The following SGCD variants were observed in gnomAD, a reference collection of about 807,000 sequenced individuals.
SGCD encodes the protein delta-sarcoglycan.
A neutral mutation model predicts 36.6 loss-of-function variants in SGCD; 18 were observed. The ratio of observed to expected loss-of-function variants is 0.49; its 90% CI spans 0.34 to 0.73. SGCD has a LOEUF of 0.73. SGCD is among the 30% of genes least tolerant of loss of function. The pLI, the probability that SGCD is intolerant of heterozygous loss-of-function variation, is 0.01. For synonymous variants in SGCD, 133 were observed against 130.6 expected, an observed-to-expected ratio of 1.02 and a Z score of -0.12; for missense variants, 387 against 346.7, an observed-to-expected ratio of 1.12 and a Z score of -0.92.
chr5:155,819,112 G>A, the SGCD span, among the ~76,000 whole-genome samples: 2 of 152,120 alleles, frequency 1.3e-5, no homozygotes, highest in African/African-American at 4.8e-5. Context: ...CTGGGACTCA[G>A]CTTCCCCATG....
chr5:156,681,273 G>A (rs1364846932), intron 7 of SGCD, among the ~76,000 whole-genome samples: 1 of 152,156 alleles, frequency 6.6e-6, no homozygotes, highest in African/African-American at 2.4e-5. Flanking sequence ...GGATGGGAAG[G>A]TGATCTCTCC....
intron 3 of SGCD, among the ~76,000 whole-genome samples, chr5:156,306,972 A>G (rs1196817267): frequency 2.1e-5 from 3 of 145,462 alleles, no homozygotes; most frequent in African/African-American, 7.6e-5. Flanking sequence ...ATTAAAATCC[A>G]TTTTTTCTGA....
At chr5:156,238,181 G>A (rs140278859) in intron 3 of SGCD, among the ~76,000 whole-genome samples, 21 of 152,218 alleles carry the variant, frequency 1.4e-4, no homozygotes, top group African/African-American at 5.1e-4. Context: ...GGGCTCAAGC[G>A]ATCCTTCCGC....
intron 3 of SGCD, among the ~76,000 whole-genome samples, chr5:156,367,812 G>T (rs917981588): frequency 9.2e-5 from 14 of 152,166 alleles, no homozygotes; most frequent in African/African-American, 3.4e-4. Flanking sequence ...TAAGCTAGGT[G>T]GTTGTTGGAG....
At chr5:156,629,406 C>T (rs1454239933) in intron 6 of SGCD, among the ~76,000 whole-genome samples, 1 of 152,090 alleles carries the variant, frequency 6.6e-6, no homozygotes, top group Non-Finnish European at 1.5e-5. Context: ...TATCTTGCCT[C>T]TTGTAGAGGG....
chr5:156,542,577 T>C (rs1287778345), intron 4 of SGCD, among the ~76,000 whole-genome samples: 1 of 152,222 alleles, frequency 6.6e-6, no homozygotes, highest in Non-Finnish European at 1.5e-5. Flanking sequence ...TACATATTCA[T>C]GTAATGCTCC....
intron 3 of SGCD, among the ~76,000 whole-genome samples, chr5:156,424,390 A>G (rs1261455231): frequency 6.6e-6 from 1 of 152,018 alleles, no homozygotes; most frequent in East Asian, 1.9e-4. Flanking sequence ...CCAATTCTCC[A>G]CAAATAACAA....
chr5:156,706,225 TATTATC>T (rs1754735367), intron 7 of SGCD, among the ~76,000 whole-genome samples: 1 of 152,126 alleles, frequency 6.6e-6, no homozygotes, highest in African/African-American at 2.4e-5. Context: ...AGCATAAACT[TATTATC>T]AGTTAATTCA....
chr5:156,193,757 T>C (rs755363336), intron 3 of SGCD, among the ~76,000 whole-genome samples: 43 of 152,212 alleles, frequency 2.8e-4, no homozygotes, highest in Non-Finnish European at 5.7e-4. Flanking sequence ...AATTTCTTCC[T>C]CTGTACCTAT....
At chr5:155,940,466 A>G (rs1757299059) in intron 1 of SGCD, among the ~76,000 whole-genome samples, 1 of 152,204 alleles carries the variant, frequency 6.6e-6, no homozygotes, top group East Asian at 1.9e-4. Flanking sequence ...CTCTTTGGTA[A>G]AGAAGATATA....
At chr5:156,148,930 A>G (rs1762771426) in intron 3 of SGCD, among the ~76,000 whole-genome samples, 1 of 152,188 alleles carries the variant, frequency 6.6e-6, no homozygotes, top group Non-Finnish European at 1.5e-5. Context: ...TTATCGTTCC[A>G]TCAGACTTCA....
At chr5:156,351,383 C>T (rs1380245419) in intron 3 of SGCD, among the ~76,000 whole-genome samples, 1 of 152,078 alleles carries the variant, frequency 6.6e-6, no homozygotes, top group African/African-American at 2.4e-5. Flanking sequence ...TAGTTCAGGG[C>T]TCAAACTCTG....
At chr5:155,799,649 G>A in the SGCD span, among the ~76,000 whole-genome samples, 23 of 151,636 alleles carry the variant, frequency 1.5e-4, no homozygotes, top group East Asian at 4.1e-3. Flanking sequence ...GCTCGCCTCG[G>A]CCTCCAAAGT....
At chr5:155,826,085 T>G in the SGCD span, among the ~76,000 whole-genome samples, 1 of 152,214 alleles carries the variant, frequency 6.6e-6, no homozygotes, top group Admixed American at 6.5e-5. Context: ...GAAGTTCCAC[T>G]GAAAAGGTGA....
At chr5:155,837,696 T>C in the SGCD span, among the ~76,000 whole-genome samples, 1 of 152,164 alleles carries the variant, frequency 6.6e-6, no homozygotes, top group Non-Finnish European at 1.5e-5. Context: ...AGAAAGCCTA[T>C]TGTCATAAAA....
chr5:156,492,244 A>G (rs1755977594), intron 3 of SGCD, among the ~76,000 whole-genome samples: 1 of 152,158 alleles, frequency 6.6e-6, no homozygotes, highest in Non-Finnish European at 1.5e-5. Context: ...GTATTTTATT[A>G]GTTGGAGTTC....
At chr5:156,278,433 C>A (rs1403571823) in intron 3 of SGCD, among the ~76,000 whole-genome samples, 1 of 152,110 alleles carries the variant, frequency 6.6e-6, no homozygotes, top group Non-Finnish European at 1.5e-5. Flanking sequence ...TATCACTGAA[C>A]AAGAGATGCT....
intron 1 of SGCD, among the ~76,000 whole-genome samples, chr5:155,999,189 C>G (rs1758615831): frequency 6.6e-6 from 1 of 152,200 alleles, no homozygotes; most frequent in Non-Finnish European, 1.5e-5. Flanking sequence ...AAACGTCACC[C>G]CAGGGTTTTC....
chr5:156,572,279 G>C (rs953250094), intron 4 of SGCD, among the ~76,000 whole-genome samples: 1 of 152,176 alleles, frequency 6.6e-6, no homozygotes, highest in African/African-American at 2.4e-5. Flanking sequence ...TAGAGTTGCT[G>C]AGTAATATGG....
Sources: allele counts gnomAD v4.1 joint callset (sites outside exome capture counted in the v4.1 genomes callset), GRCh38; gene constraint gnomAD v4.1.1; transcripts MANE v1.5; gene names NCBI Gene and HGNC (gene_info 2026-07-23, HGNC 2026-07-21).